The following PRRC2B variants were observed in gnomAD, a reference collection of about 807,000 sequenced individuals.
The protein encoded by PRRC2B is proline rich coiled-coil 2B.
PRRC2B carries 68 observed loss-of-function variants against 242.3 expected under a neutral mutation model. That is an observed-to-expected ratio of 0.28 (90% CI 0.23 to 0.34). PRRC2B has a LOEUF of 0.34. PRRC2B is among the 10% of genes least tolerant of loss of function. The probability of loss-of-function intolerance (pLI) is 1.00; values close to 1 mark genes in which losing one functional copy is unlikely to be tolerated. For missense variants in PRRC2B, 2,835 were observed against 2,954.8 expected (o/e 0.96, Z 0.94); for synonymous variants, 1,228 against 1,173.6 (o/e 1.05, Z -0.95).
chr9:131,438,042 C>G (rs1415137208), intron 4 of PRRC2B, among the ~76,000 whole-genome samples: 1 of 152,188 alleles, frequency 6.6e-6, no homozygotes, highest in African/African-American at 2.4e-5. Context: ...GTGCTCAGTG[C>G]TTCTTTGCTG....
intron 1 of PRRC2B, among the ~76,000 whole-genome samples, chr9:131,403,989 C>T (rs1313260766): frequency 2.0e-5 from 3 of 151,596 alleles, no homozygotes; most frequent in African/African-American, 7.3e-5. Flanking sequence ...CTATGTTGAC[C>T]AAGCTTGTCT....
chr9:131,453,471 C>A (rs1298444164), intron 9 of PRRC2B, among the ~76,000 whole-genome samples: 1 of 152,076 alleles, frequency 6.6e-6, no homozygotes, highest in Non-Finnish European at 1.5e-5. Flanking sequence ...CTCCTGGGCT[C>A]AAGCAGTCCT....
At chr9:131,452,447 A>G (rs2131399673) in intron 9 of PRRC2B, among the ~76,000 whole-genome samples, 1 of 152,280 alleles carries the variant, frequency 6.6e-6, no homozygotes, top group African/African-American at 2.4e-5. Context: ...GTTTTTCGGT[A>G]AGTTGTGTTT....
intron 1 of PRRC2B, among the ~76,000 whole-genome samples, chr9:131,425,758 G>C (rs1391446802): frequency 6.6e-6 from 1 of 151,904 alleles, no homozygotes; most frequent in African/African-American, 2.4e-5. Flanking sequence ...AAAGTGCTGG[G>C]ATTACAGGCG....
At chr9:131,396,455 A>T (rs1837061006) in intron 1 of PRRC2B, among the ~76,000 whole-genome samples, 2 of 150,778 alleles carry the variant, frequency 1.3e-5, no homozygotes, top group Non-Finnish European at 2.9e-5. Flanking sequence ...CCTCTGGAGT[A>T]GCTGGGATTA....
chr9:131,451,637 T>TATAA (rs748033897), intron 9 of PRRC2B, among the ~76,000 whole-genome samples: 1,525 of 152,300 alleles, frequency 0.01, 24 homozygotes, highest in Non-Finnish European at 0.013. Flanking sequence ...TAACCTCAAG[T>TATAA]TCTTTCTGGT....
intron 1 of PRRC2B, among the ~76,000 whole-genome samples, chr9:131,401,903 T>C (rs1249470120): frequency 6.6e-6 from 1 of 151,952 alleles, no homozygotes. Context: ...TCAGGTGATC[T>C]GCCCACCTCG....
intron 3 of PRRC2B, among the ~76,000 whole-genome samples, chr9:131,433,790 A>G (rs1373459093): frequency 1.3e-5 from 2 of 151,942 alleles, no homozygotes; most frequent in East Asian, 1.9e-4. Context: ...AGAAATGACC[A>G]TGGTAGCTTT....
At chr9:131,430,567 G>A (rs1337499974) in intron 2 of PRRC2B, among the ~76,000 whole-genome samples, 6 of 126,360 alleles carry the variant, frequency 4.7e-5, no homozygotes, top group Non-Finnish European at 8.5e-5. Context: ...GTGTATGTGT[G>A]TGTGTGTGTG....
chr9:131,464,240 C>G (rs1489347486), intron 11 of PRRC2B, among the ~76,000 whole-genome samples: 1 of 152,218 alleles, frequency 6.6e-6, no homozygotes, highest in East Asian at 1.9e-4. Flanking sequence ...CTGCGCCCAG[C>G]CAACATGCTT....
chr9:131,425,496 T>C (rs1837953349), intron 1 of PRRC2B, among the ~76,000 whole-genome samples: 1 of 151,900 alleles, frequency 6.6e-6, no homozygotes. Flanking sequence ...TTGTTGTTGT[T>C]GTTGTTTTTT....
intron 28 of PRRC2B, chr9:131,490,503 C>T (rs1298048765): frequency 1.9e-6 from 1 of 519,116 alleles, no homozygotes; most frequent in Non-Finnish European, 3.8e-6. Flanking sequence ...GATGTAATTC[C>T]AATAGATCCT....
chr9:131,439,276 G>A (rs1838477834), intron 5 of PRRC2B, among the ~76,000 whole-genome samples: 1 of 152,198 alleles, frequency 6.6e-6, no homozygotes, highest in South Asian at 2.1e-4. Flanking sequence ...CTCTTGCTGA[G>A]ACAGAGGAGT....
rs200517031 is a variant in PRRC2B at position 131,430,561 on chromosome 9, A to ATGTGTGTGTGTGTG, written c.115+324_115+337dup. ...TATAGATATCTATAGGTGTGTGTGT[A>ATGTGTGTGTGTGTG]TGTGTGTGTGTGTGTGTGTGTGTGT... On this transcript the variant is annotated intron_variant, in intron 2 of 31. Transcript: ENST00000683519. Among the ~76,000 whole-genome samples, 916 of 118,724 alleles carry ATGTGTGTGTGTGTG rather than the reference A, an allele frequency of 7.7e-3. 5 individuals carry two copies. The highest frequency in any genetic ancestry group is 0.015 in the African/African-American group (465 of 31,172). The allele number at this position is 118,724 out of a possible 152,430, so 77.9% of individuals were successfully genotyped here.
intron 23 of PRRC2B, among the ~76,000 whole-genome samples, chr9:131,484,001 A>T (rs932351295): frequency 6.6e-6 from 1 of 152,216 alleles, no homozygotes; most frequent in African/African-American, 2.4e-5. Context: ...TCATTTGGGC[A>T]GCGTTTCCCA....
In PRRC2B at chr9:131,464,786, C is replaced by A. The variant is rs143804019; in HGVS notation, c.1428C>A (p.Phe476Leu). The part of the protein sequence containing the change: ...DYQKSSMGSM[F>L]RQQSIEDKED... ...AGAAGTCATCAATGGGCAGCATGTT[C>A]CGGCAACAGTCCATCGAGGACAAGG... The change falls in exon 12 of 32, where the codon TTC becomes TTA. Residue 476 changes from phenylalanine to leucine, a missense_variant. Physicochemically the swap from Phe to Leu is conservative, Grantham distance 22. Transcript: ENST00000683519. 222 of 1,601,710 alleles carry A rather than the reference C, an allele frequency of 1.4e-4. 1 individual carries two copies. In the African/African-American group the frequency reaches 2.1e-3, roughly 15 times the overall value.
intron 22 of PRRC2B, among the ~76,000 whole-genome samples, 164 bp from the exon 23 acceptor site, chr9:131,483,195 G>T (rs533880482): frequency 6.6e-6 from 1 of 152,324 alleles, no homozygotes; most frequent in Admixed American, 6.5e-5. Flanking sequence ...CCTGTCTCCT[G>T]TGCCGTGGGG....
At chr9:131,461,820 C>T (rs1314759640) in intron 11 of PRRC2B, among the ~76,000 whole-genome samples, 2 of 152,190 alleles carry the variant, frequency 1.3e-5, no homozygotes, top group African/African-American at 4.8e-5. Flanking sequence ...AGCCACTGCG[C>T]CCGGCCTGCT....
At chr9:131,488,148 C>T in intron 28 of PRRC2B, 52 bp downstream of exon 28, 2 of 1,558,296 alleles carry the variant, frequency 1.3e-6, no homozygotes, top group South Asian at 1.2e-5. Flanking sequence ...TCCTTCACGA[C>T]CTTGCCTTTT....
Sources: allele counts gnomAD v4.1 joint callset (sites outside exome capture counted in the v4.1 genomes callset), GRCh38; gene constraint gnomAD v4.1.1; transcripts MANE v1.5; gene names NCBI Gene and HGNC (gene_info 2026-07-23, HGNC 2026-07-21).